FGD6: variants seen among roughly 807,000 people sequenced by gnomAD.
FGD6 encodes the protein FYVE, RhoGEF and PH domain-containing protein 6.
FGD6 carries 90 observed loss-of-function variants against 149.4 expected under a neutral mutation model. That is an observed-to-expected ratio of 0.60 (90% CI 0.51 to 0.72). The LOEUF (loss-of-function observed/expected upper bound fraction) is 0.72. FGD6 is among the 30% of genes least tolerant of loss of function. FGD6 has a pLI of 0.00. For missense variants in FGD6, 1,437 were observed against 1,684.8 expected (o/e 0.85, Z 2.57); for synonymous variants, 527 against 584.0 (o/e 0.90, Z 1.41).
At chr12:95,142,342 A>G (rs1190839402) in intron 5 of FGD6, among the ~76,000 whole-genome samples, 1 of 151,996 alleles carries the variant, frequency 6.6e-6, no homozygotes, top group African/African-American at 2.4e-5. Flanking sequence ...ACGGCGTTTC[A>G]CCATGTTGGC....
chr12:95,217,091 G>T, intron 1 of FGD6, 134 bp downstream of exon 1: 1 of 1,381,556 alleles, frequency 7.2e-7, no homozygotes, highest in African/African-American at 1.5e-5. Context: ...CATTAGCTCC[G>T]CGCTTGCCGA....
chr12:95,103,055 T>C (rs1191457088), intron 14 of FGD6, among the ~76,000 whole-genome samples: 1 of 152,194 alleles, frequency 6.6e-6, no homozygotes, highest in African/African-American at 2.4e-5. Context: ...TTCAGTGGTA[T>C]GGACAATTGG....
intron 3 of FGD6, among the ~76,000 whole-genome samples, chr12:95,154,814 T>C (rs1237335136): frequency 2.0e-5 from 3 of 152,170 alleles, no homozygotes; most frequent in East Asian, 1.9e-4. Flanking sequence ...AAAAAAAATA[T>C]GGTAGCAACT....
intron 3 of FGD6, among the ~76,000 whole-genome samples, chr12:95,157,363 T>C (rs1163695312): frequency 6.6e-6 from 1 of 152,082 alleles, no homozygotes; most frequent in Non-Finnish European, 1.5e-5. Flanking sequence ...GGTCAGGAGA[T>C]AGAGACCAGC....
intron 20 of FGD6, among the ~76,000 whole-genome samples, chr12:95,083,012 A>AAAAAATATATATATATATATATATAT (rs68032073): frequency 5.0e-5 from 1 of 20,034 alleles, no homozygotes. Flanking sequence ...AAAAAAAAAA[A>AAAAAATATATATATATATATATATAT]ATATATATAT....
At chr12:95,084,122 G>A (rs1204606755) in intron 20 of FGD6, among the ~76,000 whole-genome samples, 1 of 152,170 alleles carries the variant, frequency 6.6e-6, no homozygotes, top group Non-Finnish European at 1.5e-5. Context: ...CAAATGAATC[G>A]CTGGATTGCC....
chr12:95,080,638 T>C lies in FGD6; in HGVS notation c.*882A>G, dbSNP rs1053145548. On this transcript the variant is annotated 3_prime_UTR_variant, in exon 21 of 21. Coordinates refer to ENST00000343958, the MANE Select transcript of FGD6 (RefSeq NM_018351.4). ...ATTTTTGGAAATGTAACATTACTTATAGATACAAATATCATCATTGACTTG... is the reference window on the plus strand; with the variant it reads ...ATTTTTGGAAATGTAACATTACTTACAGATACAAATATCATCATTGACTTG... 1.3e-5 allele frequency: 2 copies of C among 152,228 alleles called. No individual in the cohort carries two copies. Among genetic ancestry groups the C allele is most frequent in the Non-Finnish European group, 2.9e-5 (2 of 68,030 alleles). 9.4% of individuals were successfully genotyped at this position (152,228 alleles called of 1,614,324 possible). A position where few individuals can be genotyped will look rare whatever the true frequency, so the allele number is the denominator to read the frequency against.
At chr12:95,105,520 G>A (rs550653243) in intron 13 of FGD6, among the ~76,000 whole-genome samples, 1 of 152,074 alleles carries the variant, frequency 6.6e-6, no homozygotes, top group Middle Eastern at 3.2e-3. Context: ...ATTTATTACT[G>A]TCTACTTTAT....
chr12:95,193,266 ATAC>A (rs1229278089), intron 2 of FGD6, among the ~76,000 whole-genome samples: 1 of 152,248 alleles, frequency 6.6e-6, no homozygotes, highest in East Asian at 1.9e-4. Flanking sequence ...TTTAAGTGAA[ATAC>A]TACTAATATT....
chr12:95,110,644 C>T (rs549125160), intron 9 of FGD6, among the ~76,000 whole-genome samples: 4 of 152,244 alleles, frequency 2.6e-5, no homozygotes, highest in East Asian at 3.9e-4. Context: ...GTGTGAGCCA[C>T]GGTACTCAGC....
intron 5 of FGD6, 35 bp from the exon 6 acceptor site, chr12:95,141,574 C>T (rs1388343637): frequency 6.2e-7 from 1 of 1,611,914 alleles, no homozygotes; most frequent in African/African-American, 1.3e-5. Context: ...ACAATACACA[C>T]ACATGTAACT....
chr12:95,084,398 T>G (rs1306998819), intron 20 of FGD6, 100 bp downstream of exon 20: 2 of 975,196 alleles, frequency 2.1e-6, no homozygotes, highest in Non-Finnish European at 2.9e-6. Context: ...CTGATGTAAA[T>G]TTTGAGTTGT....
intron 20 of FGD6, among the ~76,000 whole-genome samples, chr12:95,083,313 G>A (rs947987343): frequency 4.6e-5 from 7 of 150,656 alleles, no homozygotes; most frequent in African/African-American, 1.7e-4. Flanking sequence ...TTTAGCCTGG[G>A]TCAATTCTAA....
Sources: gnomAD v4.1 joint callset for allele counts (sites outside exome capture counted in the v4.1 genomes callset) on GRCh38, gnomAD v4.1.1 for gene constraint, MANE v1.5 for transcripts, NCBI Gene and HGNC (gene_info 2026-07-23, HGNC 2026-07-21) for gene names.